The following PLEKHA8 variants were observed in gnomAD, a reference collection of about 807,000 sequenced individuals.
The protein encoded by PLEKHA8 is pleckstrin homology domain-containing family A member 8.
In PLEKHA8, 36 loss-of-function variants were observed where a neutral mutation model predicts 68.2. That is an observed-to-expected ratio of 0.53 (90% CI 0.40 to 0.70). The LOEUF is 0.70. Ranked by LOEUF, PLEKHA8 falls within the 30% of genes least tolerant of loss-of-function variation. The pLI, the probability that PLEKHA8 is intolerant of heterozygous loss-of-function variation, is 0.00. For synonymous variants in PLEKHA8, 211 were observed against 216.1 expected, an observed-to-expected ratio of 0.98 and a Z score of 0.20; for missense variants, 505 against 615.4, an observed-to-expected ratio of 0.82 and a Z score of 1.90.
chr7:30,109,198 G>C (rs1044478245), intron 13 of PLEKHA8, among the ~76,000 whole-genome samples: 1 of 152,076 alleles, frequency 6.6e-6, no homozygotes, highest in Non-Finnish European at 1.5e-5. Flanking sequence ...AATAATTTTA[G>C]ATGTATAAAA....
intron 12 of PLEKHA8, among the ~76,000 whole-genome samples, chr7:30,073,563 T>TAAAAAAAAAAAAAAAAAAAAAAAAAA (rs35738941): frequency 1.6e-4 from 18 of 111,752 alleles, no homozygotes; most frequent in African/African-American, 6.1e-4. Context: ...TTGTGTTTCT[T>TAAAAAAAAAAAAAAAAAAAAAAAAAA]AAAAAAAAAA....
chr7:30,081,825 C>G lies in PLEKHA8; in HGVS notation c.*3038C>G, dbSNP rs1049721081. 2 of 985,244 alleles carry G rather than the reference C, an allele frequency of 2.0e-6. No individual in the cohort carries two copies. The highest frequency in any genetic ancestry group is 2.4e-6 in the Non-Finnish European group (2 of 829,902). 61.0% of individuals were successfully genotyped at this position (985,244 alleles called of 1,614,324 possible). ...AATTTCATCGTGCCTGTACTTTTCT[C>G]TATGGTAAAAGCCAGTGTTTACACT... On this transcript the variant is annotated 3_prime_UTR_variant, in exon 14 of 14. Coordinates refer to ENST00000449726, the MANE Select transcript of PLEKHA8 (RefSeq NM_001197026.2).
At chr7:30,056,869 A>G (rs1402255140) in intron 9 of PLEKHA8, among the ~76,000 whole-genome samples, 1 of 146,584 alleles carries the variant, frequency 6.8e-6, no homozygotes, top group Non-Finnish European at 1.5e-5. Flanking sequence ...CTGAAAATTT[A>G]TATGTAACAT....
chr7:30,051,369 C>T (rs915357596), intron 6 of PLEKHA8, among the ~76,000 whole-genome samples: 1 of 150,728 alleles, frequency 6.6e-6, no homozygotes, highest in Non-Finnish European at 1.5e-5. Flanking sequence ...TATGCTCCTA[C>T]ATTTTGAATT....
chr7:30,085,091 T>G (rs1191120322), downstream of PLEKHA8, among the ~76,000 whole-genome samples: 4 of 151,980 alleles, frequency 2.6e-5, no homozygotes, highest in Non-Finnish European at 5.9e-5. Context: ...ATTACAGGCA[T>G]GTGCTACCAT....
chr7:30,094,703 G>A (rs1795539977), downstream of PLEKHA8, among the ~76,000 whole-genome samples: 1 of 113,596 alleles, frequency 8.8e-6, no homozygotes. Context: ...AGGCCCCAGT[G>A]TGTGATGTTC....
intron 7 of PLEKHA8, among the ~76,000 whole-genome samples, chr7:30,054,353 A>C (rs1439106537): frequency 6.6e-6 from 1 of 152,204 alleles, no homozygotes; most frequent in Non-Finnish European, 1.5e-5. Flanking sequence ...TACATATAGA[A>C]TGTGCTAATA....
chr7:30,100,326 G>A (rs1367895367), intron 13 of PLEKHA8, among the ~76,000 whole-genome samples: 2 of 152,130 alleles, frequency 1.3e-5, no homozygotes, highest in Non-Finnish European at 2.9e-5. Flanking sequence ...CAAGGAGGGT[G>A]GATCACTTGA....
downstream of PLEKHA8, among the ~76,000 whole-genome samples, chr7:30,095,370 T>A (rs984425429): frequency 1.3e-5 from 2 of 152,162 alleles, no homozygotes; most frequent in African/African-American, 4.8e-5. Context: ...TTTAATGGGG[T>A]TGTTTGTTTT....
At chr7:30,044,581 T>A (rs1266985344) in intron 1 of PLEKHA8, among the ~76,000 whole-genome samples, 3 of 152,242 alleles carry the variant, frequency 2.0e-5, no homozygotes, top group Non-Finnish European at 4.4e-5. Context: ...GACAGGCTTC[T>A]TAGTTGGCAC....
intron 13 of PLEKHA8, chr7:30,115,878 ACGCATACATG>A (rs1796476534): frequency 6.9e-6 from 1 of 144,694 alleles, no homozygotes; most frequent in African/African-American, 2.5e-5. Context: ...ACATGTAGGC[ACGCATACATG>A]CGTATACATG....
At chr7:30,034,754 C>G (rs907692708) in intron 1 of PLEKHA8, among the ~76,000 whole-genome samples, 1 of 152,168 alleles carries the variant, frequency 6.6e-6, no homozygotes, top group Non-Finnish European at 1.5e-5. Flanking sequence ...GGTTGAAATT[C>G]AAACCCATGG....
chr7:30,074,179 C>G, intron 13 of PLEKHA8, 47 bp downstream of exon 13: 10 of 1,523,058 alleles, frequency 6.6e-6, no homozygotes, highest in Non-Finnish European at 7.3e-6. Flanking sequence ...TTGGGTATGC[C>G]AGTGGCTAGG....
intron 13 of PLEKHA8, 114 bp downstream of exon 13, chr7:30,074,246 T>TTGTGTGTGTGTGTGTGTGTGTGTGTG (rs149548208): frequency 4.1e-6 from 2 of 488,436 alleles, no homozygotes; most frequent in Admixed American, 3.5e-5. Context: ...AGAAACAAAG[T>TTGTGTGTGTGTGTGTGTGTGTGTGTG]TGTGTGTGTG....
At chr7:30,061,750 T>G in intron 10 of PLEKHA8, 147 bp from the exon 11 acceptor site, 1 of 783,750 alleles carries the variant, frequency 1.3e-6, no homozygotes, top group Non-Finnish European at 2.0e-6. Flanking sequence ...ACAAATACTA[T>G]CATGAAAACA....
At chr7:30,106,458 T>C (rs1317020846) in intron 13 of PLEKHA8, among the ~76,000 whole-genome samples, 2 of 152,220 alleles carry the variant, frequency 1.3e-5, no homozygotes, top group African/African-American at 4.8e-5. Flanking sequence ...TGTCTTGGAA[T>C]CATTCAGGCT....
chr7:30,058,471 CTTTT>C (rs79972069), intron 9 of PLEKHA8, among the ~76,000 whole-genome samples: 8 of 125,250 alleles, frequency 6.4e-5, no homozygotes, highest in Non-Finnish European at 1.1e-4. Context: ...AGTTGAGGTT[CTTTT>C]TTTTTTTTTT....
intron 1 of PLEKHA8, among the ~76,000 whole-genome samples, chr7:30,036,969 A>G (rs778280099): frequency 6.6e-6 from 1 of 152,194 alleles, no homozygotes; most frequent in Non-Finnish European, 1.5e-5. Context: ...GAGGAACCCA[A>G]GGCTTTGCTG....
chr7:30,045,267 C>T (rs904273454), intron 2 of PLEKHA8, 66 bp downstream of exon 2: 4 of 1,200,816 alleles, frequency 3.3e-6, no homozygotes, highest in Admixed American at 2.0e-5. Flanking sequence ...CAAAAAAGCC[C>T]CTGGCCCCTG....
Sources: gnomAD v4.1 joint callset for allele counts (sites outside exome capture counted in the v4.1 genomes callset) on GRCh38, gnomAD v4.1.1 for gene constraint, MANE v1.5 for transcripts, NCBI Gene and HGNC (gene_info 2026-07-23, HGNC 2026-07-21) for gene names.